The following RTKN2 variants were observed in gnomAD, a reference collection of about 807,000 sequenced individuals.
The protein encoded by RTKN2 is rhotekin 2.
RTKN2 carries 69 observed loss-of-function variants against 71.5 expected under a neutral mutation model. That is an observed-to-expected ratio of 0.96 (90% CI 0.79 to 1.18). RTKN2 has a LOEUF of 1.18. Ranked by LOEUF, RTKN2 falls within the 50% of genes most tolerant of loss-of-function variation. The pLI is 0.00. For missense variants in RTKN2, 724 were observed against 719.7 expected, an observed-to-expected ratio of 1.01 and a Z score of -0.07; for synonymous variants, 236 against 236.5, an observed-to-expected ratio of 1.00 and a Z score of 0.02.
chr10:62,233,058 T>C (rs971485182), intron 6 of RTKN2, among the ~76,000 whole-genome samples: 12 of 152,184 alleles, frequency 7.9e-5, no homozygotes, highest in African/African-American at 2.9e-4. Flanking sequence ...TAAAGGTGCA[T>C]GAAACTCCAA....
intron 6 of RTKN2, among the ~76,000 whole-genome samples, chr10:62,230,002 G>A (rs1318069429): frequency 6.6e-6 from 1 of 152,116 alleles, no homozygotes; most frequent in African/African-American, 2.4e-5. Context: ...TCTGAAGAAA[G>A]TTGAATGTGC....
chr10:62,187,225 G>A (rs920946493), intron 8 of RTKN2, among the ~76,000 whole-genome samples: 3 of 151,020 alleles, frequency 2.0e-5, no homozygotes, highest in Non-Finnish European at 1.5e-5. Context: ...GATGACGGCA[G>A]CTTTGTTCTT....
rs1352144421 is a variant in RTKN2 at position 62,268,599 on chromosome 10, C to T, written c.12G>A (p.Pro4=). ...GGCGGAGCGCAGGACCCCTCAGGCT[C>T]GGCCCCTCCATCTCCAACGCGAACT... MEG[P]SLRGPALRLA... Residue 4 remains proline (P), a synonymous_variant, in exon 1 of 12, where the codon CCG becomes CCA. Coordinates refer to ENST00000373789, the MANE Select transcript of RTKN2 (RefSeq NM_145307.4). The T allele has an allele frequency of 5.1e-6, 8 of 1,564,092 alleles. No individual in the cohort carries two copies. The highest frequency in any genetic ancestry group is 6.1e-6 in the Non-Finnish European group (7 of 1,154,228).
At chr10:62,249,482 G>A (rs1161541269) in intron 2 of RTKN2, among the ~76,000 whole-genome samples, 3 of 151,528 alleles carry the variant, frequency 2.0e-5, no homozygotes, top group Non-Finnish European at 2.9e-5. Flanking sequence ...GGGGTGGGGC[G>A]TCTACTTTGT....
At chr10:62,262,059 T>A (rs991164300) in intron 2 of RTKN2, among the ~76,000 whole-genome samples, 4 of 152,212 alleles carry the variant, frequency 2.6e-5, no homozygotes, top group Admixed American at 2.0e-4. Context: ...ACAGAACACA[T>A]GAGCAGAAGT....
chr10:62,255,460 A>G lies in RTKN2; in HGVS notation c.257+7165T>C, dbSNP rs1417408487. On this transcript the variant is annotated intron_variant, in intron 2 of 11. Coordinates refer to ENST00000373789, the MANE Select transcript of RTKN2 (RefSeq NM_145307.4). ...GAAGCAAGAGATTCTTAGTGACTAT[A>G]AATGATAATAAAACATTGAATAAAA... 2.0e-5 allele frequency among the ~76,000 whole-genome samples: 3 copies of G among 152,212 alleles called. No individual in the cohort carries two copies. In the East Asian group the frequency reaches 5.8e-4, roughly 29 times the overall value.
chr10:62,202,319 TTAAA>T (rs1272896998), intron 10 of RTKN2, among the ~76,000 whole-genome samples: 1 of 152,208 alleles, frequency 6.6e-6, no homozygotes, highest in Non-Finnish European at 1.5e-5. Flanking sequence ...TTTTCTATTC[TTAAA>T]TAGAGTCAAA....
chr10:62,264,925 T>A (rs954059495), intron 1 of RTKN2, among the ~76,000 whole-genome samples: 1 of 151,872 alleles, frequency 6.6e-6, no homozygotes, highest in African/African-American at 2.4e-5. Context: ...TCCACAGCAA[T>A]CTTGAAACTT....
In RTKN2 at chr10:62,246,072, A is replaced by C. The variant is rs1392776302; in HGVS notation, c.258-15T>G. 6.5e-7 allele frequency: 1 copy of C among 1,531,910 alleles called. No homozygotes were observed. 94.9% of individuals were successfully genotyped at this position (1,531,910 alleles called of 1,614,324 possible). ...ATTTCACATCACTGTCAAAACAAAA[A>C]AACTTATGGAAAAAAGATCTTTTCT... is the stretch of plus-strand genomic sequence containing the variant. On this transcript the variant is annotated splice_polypyrimidine_tract_variant and intron_variant, in intron 2 of 11. Coordinates refer to ENST00000373789, the MANE Select transcript of RTKN2 (RefSeq NM_145307.4).
Position 62,217,136 on chromosome 10 carries a change from C to T in RTKN2, c.1002G>A (p.Leu334=), listed in dbSNP as rs764119577. The change falls in exon 9 of 12, where the codon TTG becomes TTA. Residue 334 remains leucine, a synonymous_variant. Coordinates refer to ENST00000373789, the MANE Select transcript of RTKN2 (RefSeq NM_145307.4). ...CCTTTACCTTGTTAATGGGTACTAC[C>T]AAAGCTGGTTCCACTTTAGCTTCAA... The part of the protein sequence containing the change: ...EEIEAKVEPA[L]VVPINKETRI... 3 of 1,580,306 alleles carry T rather than the reference C, an allele frequency of 1.9e-6. No individual in the cohort carries two copies. In the East Asian group the frequency reaches 6.8e-5, roughly 36 times the overall value.
chr10:62,247,356 T>G (rs905962330), intron 2 of RTKN2, among the ~76,000 whole-genome samples: 8 of 151,972 alleles, frequency 5.3e-5, no homozygotes, highest in African/African-American at 1.9e-4. Flanking sequence ...AATAATTTAC[T>G]GATGTAAAGT....
At chr10:62,184,091 C>T in exon 9 of RTKN2, 1 of 426,852 alleles carries the variant, frequency 2.3e-6, no homozygotes, top group East Asian at 3.8e-5. Context: ...ATAGCAGACA[C>T]CTGGTAAACA....
chr10:62,217,891 A>G (rs1306009165), intron 8 of RTKN2, among the ~76,000 whole-genome samples: 1 of 151,400 alleles, frequency 6.6e-6, no homozygotes, highest in African/African-American at 2.5e-5. Flanking sequence ...AAAGGTGTTG[A>G]GCAGCCCTCA....
intron 9 of RTKN2, among the ~76,000 whole-genome samples, chr10:62,207,176 A>AT (rs1313497088): frequency 6.6e-6 from 1 of 152,042 alleles, no homozygotes; most frequent in Non-Finnish European, 1.5e-5. Context: ...GAATTTGGAT[A>AT]TTTTTACCAA....
intron 2 of RTKN2, among the ~76,000 whole-genome samples, chr10:62,248,593 G>T (rs947264201): frequency 6.6e-6 from 1 of 152,078 alleles, no homozygotes; most frequent in Non-Finnish European, 1.5e-5. Flanking sequence ...CCAGTCTAGA[G>T]AATTATTTTG....
At chr10:62,211,497 A>G (rs1189675722) in intron 9 of RTKN2, among the ~76,000 whole-genome samples, 1 of 152,218 alleles carries the variant, frequency 6.6e-6, no homozygotes, top group African/African-American at 2.4e-5. Flanking sequence ...TGTGAAATTT[A>G]TGTTTTCAAA....
Position 62,193,481 on chromosome 10 carries a change from T to C in RTKN2, c.*4427A>G. On this transcript the variant is annotated 3_prime_UTR_variant, in exon 12 of 12. Transcript: ENST00000373789. ...TGTTGTTAATTGAATGTAAAGGTAG[T>C]TTGTTTCTCTAAGCACATTGATTAG... 3 of 983,020 alleles carry C rather than the reference T, an allele frequency of 3.1e-6. No homozygotes were observed. The highest frequency in any genetic ancestry group is 3.6e-6 in the Non-Finnish European group (3 of 827,710). 60.9% of individuals were successfully genotyped at this position (983,020 alleles called of 1,614,324 possible).
intron 9 of RTKN2, among the ~76,000 whole-genome samples, chr10:62,216,847 A>T (rs1298141188): frequency 6.6e-6 from 1 of 152,130 alleles, no homozygotes; most frequent in Non-Finnish European, 1.5e-5. Flanking sequence ...AAAAAATTTA[A>T]ATATACTGCT....
chr10:62,254,500 T>C (rs547605960), intron 2 of RTKN2, among the ~76,000 whole-genome samples: 7 of 152,300 alleles, frequency 4.6e-5, no homozygotes, highest in South Asian at 2.1e-4. Context: ...CTTTATAGCA[T>C]TGTGAGAACA....
Sources: gnomAD v4.1 joint callset for allele counts (sites outside exome capture counted in the v4.1 genomes callset) on GRCh38, gnomAD v4.1.1 for gene constraint, MANE v1.5 for transcripts, NCBI Gene and HGNC (gene_info 2026-07-23, HGNC 2026-07-21) for gene names.